The following AIFM1 variants were observed in gnomAD, a reference collection of about 807,000 sequenced individuals.
The protein encoded by AIFM1 is apoptosis-inducing factor 1, mitochondrial.
In AIFM1, 3 loss-of-function variants were observed where a neutral mutation model predicts 51.7. The observed-to-expected ratio is 0.06, with a 90% CI of 0.03 to 0.15. The LOEUF is 0.15. Ranked by LOEUF, AIFM1 falls within the 10% of genes least tolerant of loss-of-function variation. The pLI, the probability that AIFM1 is intolerant of heterozygous loss-of-function variation, is 1.00. For missense variants in AIFM1, 330 were observed against 476.8 expected (o/e 0.69, Z 2.87); for synonymous variants, 178 against 179.4 (o/e 0.99, Z 0.06).
At chrX:130,143,281 C>T (rs2030641353) in intron 6 of AIFM1, among the ~76,000 whole-genome samples, 1 of 111,902 alleles carries the variant, frequency 8.9e-6, no homozygotes, top group South Asian at 3.7e-4. Flanking sequence ...TGTCCAACTG[C>T]CCAGAAGACA....
At chrX:130,165,406 C>A in intron 1 of AIFM1, 145 bp downstream of exon 1, 1 of 540,096 alleles carries the variant, frequency 1.9e-6, no homozygotes, top group Non-Finnish European at 3.3e-6. Context: ...TTGCAAGACT[C>A]AGGGTTCGGA....
intron 3 of AIFM1, among the ~76,000 whole-genome samples, chrX:130,148,980 AGC>A (rs1270912058): frequency 1.1e-5 from 1 of 91,271 alleles, no homozygotes; most frequent in African/African-American, 4.3e-5. Flanking sequence ...GGAGTGCAGC[AGC>A]GTGATCTTGG....
chrX:130,165,748 G>A lies in AIFM1; in HGVS notation c.-92C>T, dbSNP rs1603233154. On this transcript the variant is annotated 5_prime_UTR_variant, in exon 1 of 16. Coordinates refer to ENST00000287295, the MANE Select transcript of AIFM1 (RefSeq NM_004208.4). ...CCGTGAGCCCCGGCCAGCTCCCCCA[G>A]TCTCTTCACACGCACATTACGCAGA... 1.4e-6 allele frequency: 1 copy of A among 737,811 alleles called. No individual in the cohort carries two copies. 60.8% of individuals were successfully genotyped at this position (737,811 alleles called of 1,213,427 possible). A position where few individuals can be genotyped will look rare whatever the true frequency, so the allele number is the denominator to read the frequency against.
At chrX:130,135,651 G>A (rs978331493) in intron 12 of AIFM1, among the ~76,000 whole-genome samples, 2 of 110,770 alleles carry the variant, frequency 1.8e-5, no homozygotes, top group Admixed American at 1.9e-4. Context: ...TGAAAACAGA[G>A]TAATTTTCCT....
chrX:130,160,812 G>C (rs2031320711), intron 1 of AIFM1, among the ~76,000 whole-genome samples: 1 of 110,112 alleles, frequency 9.1e-6, no homozygotes. Flanking sequence ...GGAGGCCGAG[G>C]TTGGTGGATC....
intron 6 of AIFM1, among the ~76,000 whole-genome samples, chrX:130,143,430 T>C (rs927222396): frequency 9.0e-6 from 1 of 111,713 alleles, no homozygotes; most frequent in African/African-American, 3.3e-5. Flanking sequence ...AGGCTAGAAA[T>C]TAGAAAATCA....
intron 6 of AIFM1, among the ~76,000 whole-genome samples, chrX:130,145,064 A>G (rs890899797): frequency 3.6e-5 from 4 of 112,587 alleles, no homozygotes; most frequent in African/African-American, 1.3e-4. Flanking sequence ...ATACCTGCTA[A>G]TAACTGACCT....
intron 1 of AIFM1, 152 bp from the exon 2 acceptor site, chrX:130,156,755 T>G: frequency 1.6e-6 from 1 of 639,693 alleles, no homozygotes; most frequent in Non-Finnish European, 2.4e-6. Flanking sequence ...ACTGCATATA[T>G]AAATACTACA....
intron 2 of AIFM1, among the ~76,000 whole-genome samples, chrX:130,151,338 A>G (rs1459572424): frequency 2.7e-5 from 3 of 110,658 alleles, no homozygotes; most frequent in African/African-American, 9.9e-5. Flanking sequence ...GTGGGGTTTC[A>G]CTATGTTGGC....
Position 130,152,183 on chromosome X carries a change from A to G in AIFM1, c.250-2615T>C, listed in dbSNP as rs753778784. On this transcript the variant is annotated intron_variant, in intron 2 of 15. Transcript: ENST00000287295. Reference sequence around the variant, plus strand: ...AAAAAGATGGCTTACTCTGGTCAACATGAATGAAAAGAGAAATAAACAGGG... The same window carrying G: ...AAAAAGATGGCTTACTCTGGTCAACGTGAATGAAAAGAGAAATAAACAGGG... Among the ~76,000 whole-genome samples, 3 of 112,154 alleles carry G rather than the reference A, an allele frequency of 2.7e-5. No homozygotes were observed. In the East Asian group the frequency reaches 8.3e-4, roughly 31 times the overall value.
intron 1 of AIFM1, among the ~76,000 whole-genome samples, chrX:130,158,317 T>G (rs2031237657): frequency 8.9e-6 from 1 of 111,998 alleles, no homozygotes; most frequent in Non-Finnish European, 1.9e-5. Context: ...AACCCACTCA[T>G]GGCTCCTGGG....
rs184049465 is a variant in AIFM1, at chrX:130,147,371, G to C, written c.605+122C>G. The C allele has an allele frequency of 1.0e-4, 92 of 884,111 alleles. No homozygotes were observed. In the East Asian group the frequency reaches 2.8e-3, roughly 26 times the overall value. The allele number at this position is 884,111 out of a possible 1,213,427, so 72.9% of individuals were successfully genotyped here. ...TAAGCTGTACCAAGTGTGGACCACA[G>C]TAGACTCTAGTGGACAGCCAAGCCA... On this transcript the variant is annotated intron_variant, in intron 5 of 15. Transcript: ENST00000287295.
chrX:130,129,695 T>C, intron 15 of AIFM1, 67 bp from the exon 16 acceptor site: 9 of 960,831 alleles, frequency 9.4e-6, no homozygotes, highest in Non-Finnish European at 1.3e-5. Flanking sequence ...GCCCACACAA[T>C]GGGGCTACCT....
At chrX:130,130,935 A>C (rs1483876669) in intron 14 of AIFM1, among the ~76,000 whole-genome samples, 1 of 112,505 alleles carries the variant, frequency 8.9e-6, no homozygotes, top group Non-Finnish European at 1.9e-5. Flanking sequence ...AGAATTAAGG[A>C]ATATGGAATA....
chrX:130,139,188 C>T (rs1354172051), intron 8 of AIFM1, among the ~76,000 whole-genome samples: 2 of 110,891 alleles, frequency 1.8e-5, no homozygotes, highest in Non-Finnish European at 3.8e-5. Flanking sequence ...AAAAATTAGC[C>T]GGTCGTGGTG....
Position 130,129,491 on chromosome X carries a change from T to C in AIFM1, c.*66A>G. ...AGAGAAAGTCTGCTGAATAAAAAAA[T>C]GCTCCTTTACCCATTCGACCTCCTC... On this transcript the variant is annotated 3_prime_UTR_variant, in exon 16 of 16. Transcript: ENST00000287295. 1.1e-6 allele frequency: 1 copy of C among 924,935 alleles called. No homozygotes were observed. Among genetic ancestry groups the C allele is most frequent in the Non-Finnish European group, 1.6e-6 (1 of 633,622 alleles). The allele number at this position is 924,935 out of a possible 1,213,427, so 76.2% of individuals were successfully genotyped here.
chrX:130,160,674 T>C (rs1298943475), intron 1 of AIFM1, among the ~76,000 whole-genome samples: 2 of 111,617 alleles, frequency 1.8e-5, no homozygotes, highest in African/African-American at 6.5e-5. Flanking sequence ...CACCTTAGCC[T>C]CCAGAATAGC....
In AIFM1 at chrX:130,165,746, C is replaced by A. The variant is rs780436043; in HGVS notation, c.-90G>T. ...CACCGTGAGCCCCGGCCAGCTCCCC[C>A]AGTCTCTTCACACGCACATTACGCA... On this transcript the variant is annotated 5_prime_UTR_variant, in exon 1 of 16. Coordinates refer to ENST00000287295, the MANE Select transcript of AIFM1 (RefSeq NM_004208.4). The A allele has an allele frequency of 1.5e-5, 11 of 757,023 alleles. No homozygotes were observed. Among genetic ancestry groups the A allele is most frequent in the Admixed American group, 5.2e-5 (2 of 38,309 alleles). The allele number at this position is 757,023 out of a possible 1,213,427, so 62.4% of individuals were successfully genotyped here.
chrX:130,158,662 G>C (rs2031246697), intron 1 of AIFM1, among the ~76,000 whole-genome samples: 1 of 95,298 alleles, frequency 1.0e-5, no homozygotes, highest in Non-Finnish European at 2.0e-5. Flanking sequence ...ATTGTCCTGG[G>C]CCACATATAA....
Sources: allele counts gnomAD v4.1 joint callset (sites outside exome capture counted in the v4.1 genomes callset), GRCh38; gene constraint gnomAD v4.1.1; transcripts MANE v1.5; gene names NCBI Gene and HGNC (gene_info 2026-07-23, HGNC 2026-07-21).